EFNA5: variants seen among roughly 807,000 people sequenced by gnomAD.
EFNA5 encodes ephrin A5.
In EFNA5, 5 loss-of-function variants were observed where a neutral mutation model predicts 22.9. The ratio of observed to expected loss-of-function variants is 0.22; its 90% CI spans 0.11 to 0.46. The LOEUF is 0.46. Ranked by LOEUF, EFNA5 falls within the 20% of genes least tolerant of loss-of-function variation. The probability of loss-of-function intolerance (pLI) is 0.99; values close to 1 mark genes in which losing one functional copy is unlikely to be tolerated. For synonymous variants in EFNA5, 113 were observed against 112.2 expected (o/e 1.01, Z -0.04); for missense variants, 237 against 293.3 (o/e 0.81, Z 1.40).
intron 1 of EFNA5, among the ~76,000 whole-genome samples, chr5:107,428,281 C>T (rs756318837): frequency 3.3e-5 from 5 of 152,142 alleles, no homozygotes; most frequent in Admixed American, 3.3e-4. Context: ...GGCTCTTCCC[C>T]TCATTTCTTT....
chr5:107,525,906 C>A (rs768724452), intron 1 of EFNA5, among the ~76,000 whole-genome samples: 3 of 152,176 alleles, frequency 2.0e-5, no homozygotes, highest in Non-Finnish European at 2.9e-5. Context: ...AAATTTGAAG[C>A]ACTAGGAGGT....
At chr5:107,542,424 T>G (rs1345984160) in intron 1 of EFNA5, among the ~76,000 whole-genome samples, 1 of 152,200 alleles carries the variant, frequency 6.6e-6, no homozygotes, top group Non-Finnish European at 1.5e-5. Flanking sequence ...GATATAGTTA[T>G]TCAGGGTCTG....
chr5:107,476,057 TTTTTTTTTTTTG>T (rs1750289418), intron 1 of EFNA5, among the ~76,000 whole-genome samples: 2 of 100,432 alleles, frequency 2.0e-5, no homozygotes, highest in Admixed American at 1.1e-4. Context: ...TATATATATA[TTTTTTTTTTTTG>T]AGACAGAGTC....
intron 1 of EFNA5, among the ~76,000 whole-genome samples, chr5:107,539,937 C>A (rs1404906053): frequency 1.3e-5 from 2 of 152,156 alleles, no homozygotes; most frequent in Non-Finnish European, 2.9e-5. Context: ...GAAGTCACAC[C>A]TTAGCTGGTG....
At chr5:107,431,370 T>C (rs1366875601) in intron 1 of EFNA5, among the ~76,000 whole-genome samples, 2 of 152,206 alleles carry the variant, frequency 1.3e-5, no homozygotes, top group African/African-American at 4.8e-5. Flanking sequence ...TCATGTTCTC[T>C]GGGTATAAAG....
At chr5:107,412,677 C>T (rs1331875279) in intron 2 of EFNA5, among the ~76,000 whole-genome samples, 1 of 152,150 alleles carries the variant, frequency 6.6e-6, no homozygotes, top group East Asian at 1.9e-4. Flanking sequence ...TGTACACGTT[C>T]AACTGACCAC....
At chr5:107,562,063 G>T (rs1748559103) in intron 1 of EFNA5, among the ~76,000 whole-genome samples, 1 of 152,178 alleles carries the variant, frequency 6.6e-6, no homozygotes, top group African/African-American at 2.4e-5. Context: ...CGGTCATGTG[G>T]ATTCAACTGC....
At chr5:107,534,862 T>A (rs1312632122) in intron 1 of EFNA5, among the ~76,000 whole-genome samples, 1 of 152,228 alleles carries the variant, frequency 6.6e-6, no homozygotes, top group African/African-American at 2.4e-5. Flanking sequence ...AGGAAAATAG[T>A]ATATCTTCAA....
intron 1 of EFNA5, among the ~76,000 whole-genome samples, chr5:107,580,031 A>G (rs2112493663): frequency 6.6e-6 from 1 of 152,306 alleles, no homozygotes; most frequent in Non-Finnish European, 1.5e-5. Context: ...TTGGGTGAGA[A>G]TTTCAACCAT....
At chr5:107,664,983 A>G (rs956224241) in intron 1 of EFNA5, among the ~76,000 whole-genome samples, 1 of 152,166 alleles carries the variant, frequency 6.6e-6, no homozygotes, top group Non-Finnish European at 1.5e-5. Context: ...GTATCTTATA[A>G]AAAATTTTTA....
intron 2 of EFNA5, among the ~76,000 whole-genome samples, chr5:107,411,517 G>A (rs1219816770): frequency 6.6e-6 from 1 of 152,200 alleles, no homozygotes; most frequent in Non-Finnish European, 1.5e-5. Context: ...TAAGAAAATC[G>A]AATGGCTGAG....
chr5:107,381,196 G>C lies in EFNA5; in HGVS notation c.*59C>G. 1 of 1,555,582 alleles carries C rather than the reference G, an allele frequency of 6.4e-7. No homozygotes were observed. Among genetic ancestry groups the C allele is most frequent in the African/African-American group, 1.3e-5 (1 of 74,136 alleles). On this transcript the variant is annotated 3_prime_UTR_variant, in exon 5 of 5. Coordinates refer to ENST00000333274, the MANE Select transcript of EFNA5 (RefSeq NM_001962.3). ...CCTTCTTAGGATGAGCAGTTAGGTG[G>C]ATCTCTGGTGTTCCAAGACCCTGAT...
chr5:107,487,319 TTG>T (rs1746658489), intron 1 of EFNA5, among the ~76,000 whole-genome samples: 1 of 152,312 alleles, frequency 6.6e-6, no homozygotes, highest in African/African-American at 2.4e-5. Flanking sequence ...CCTCAGCACT[TTG>T]TGCATTCTGT....
chr5:107,564,631 GTTTTTTT>G (rs34585445), intron 1 of EFNA5, among the ~76,000 whole-genome samples: 269 of 115,040 alleles, frequency 2.3e-3, no homozygotes, highest in Non-Finnish European at 2.8e-3. Context: ...TTGGGTTTTT[GTTTTTTT>G]TTTTTTTTTT....
At chr5:107,445,027 A>C (rs1435979458) in intron 1 of EFNA5, among the ~76,000 whole-genome samples, 1 of 152,010 alleles carries the variant, frequency 6.6e-6, no homozygotes, top group Non-Finnish European at 1.5e-5. Flanking sequence ...TTGCCATTTA[A>C]AAAAAGTTTT....
At chr5:107,446,197 T>G (rs527612451) in intron 1 of EFNA5, among the ~76,000 whole-genome samples, 1 of 152,308 alleles carries the variant, frequency 6.6e-6, no homozygotes, top group East Asian at 1.9e-4. Context: ...TGACTAAAAG[T>G]ACAGTGCTTT....
intron 1 of EFNA5, among the ~76,000 whole-genome samples, chr5:107,579,118 C>T (rs1748987887): frequency 6.6e-6 from 1 of 152,090 alleles, no homozygotes; most frequent in African/African-American, 2.4e-5. Context: ...TCTACTCTTC[C>T]CAACAACCCT....
In EFNA5 at chr5:107,380,845, C is replaced by T. The variant is rs903845698; in HGVS notation, c.*410G>A. 7 of 409,102 alleles carry T rather than the reference C, an allele frequency of 1.7e-5. No homozygotes were observed. Among genetic ancestry groups the T allele is most frequent in the Non-Finnish European group, 3.0e-5 (7 of 231,648 alleles). The allele number at this position is 409,102 out of a possible 1,614,324, so 25.3% of individuals were successfully genotyped here. A position where few individuals can be genotyped will look rare whatever the true frequency, so the allele number is the denominator to read the frequency against. On this transcript the variant is annotated 3_prime_UTR_variant, in exon 5 of 5. Coordinates refer to ENST00000333274, the MANE Select transcript of EFNA5 (RefSeq NM_001962.3). ...GCATAGGAGAGCAAAACCCTCCCAG[C>T]CCTAGCCAGCGCTGGCTGCATCTGC...
chr5:107,566,664 A>G (rs1005293298), intron 1 of EFNA5, among the ~76,000 whole-genome samples: 1 of 152,208 alleles, frequency 6.6e-6, no homozygotes, highest in Non-Finnish European at 1.5e-5. Context: ...CACACTTAAA[A>G]AAAGACTCCT....
Sources: gnomAD v4.1 joint callset for allele counts (sites outside exome capture counted in the v4.1 genomes callset) on GRCh38, gnomAD v4.1.1 for gene constraint, MANE v1.5 for transcripts, NCBI Gene and HGNC (gene_info 2026-07-23, HGNC 2026-07-21) for gene names.